Variants in MFSD11 observed in about 807,000 individuals in gnomAD.
The protein encoded by MFSD11 is major facilitator superfamily domain containing 11.
In MFSD11, 36 loss-of-function variants were observed where a neutral mutation model predicts 53.5. That is an observed-to-expected ratio of 0.67 (90% CI 0.52 to 0.89). The LOEUF (loss-of-function observed/expected upper bound fraction) is 0.89, where lower values mean the gene tolerates loss of function less well. Among genes scored for constraint, MFSD11 ranks in the 40% least tolerant of loss-of-function variants. The probability of loss-of-function intolerance (pLI) is 0.00; values close to 1 mark genes in which losing one functional copy is unlikely to be tolerated. For synonymous variants in MFSD11, 186 were observed against 184.9 expected, an observed-to-expected ratio of 1.01 and a Z score of -0.05; for missense variants, 530 against 543.9, an observed-to-expected ratio of 0.97 and a Z score of 0.25.
downstream of MFSD11, among the ~76,000 whole-genome samples, chr17:76,785,062 T>G (rs1489224518): frequency 6.6e-6 from 1 of 152,136 alleles, no homozygotes; most frequent in African/African-American, 2.4e-5. Flanking sequence ...TACCTAACAG[T>G]GGGAAAATAA....
At chr17:76,769,656 C>T in intron 9 of MFSD11, 90 bp from the exon 10 acceptor site, 1 of 992,010 alleles carries the variant, frequency 1.0e-6, no homozygotes, top group Non-Finnish European at 1.5e-6. Flanking sequence ...TTTTACTACG[C>T]AAGTATTCTT....
chr17:76,743,865 T>G (rs1296507391), intron 6 of MFSD11, among the ~76,000 whole-genome samples: 1 of 152,170 alleles, frequency 6.6e-6, no homozygotes, highest in Non-Finnish European at 1.5e-5. Flanking sequence ...TCCGCCCTCC[T>G]CAGCCTCCCA....
intron 2 of MFSD11, among the ~76,000 whole-genome samples, chr17:76,740,353 A>G (rs762214643): frequency 6.6e-6 from 1 of 152,192 alleles, no homozygotes; most frequent in South Asian, 2.1e-4. Flanking sequence ...CTGGGTCAAT[A>G]GTAACTGAGT....
intron 12 of MFSD11, among the ~76,000 whole-genome samples, chr17:76,777,528 C>A (rs1456874223): frequency 6.6e-6 from 1 of 152,196 alleles, no homozygotes; most frequent in Non-Finnish European, 1.5e-5. Flanking sequence ...AGCCACCGCC[C>A]CGGCTATATT....
chr17:76,745,812 C>CTTAT (rs111982936), intron 7 of MFSD11, among the ~76,000 whole-genome samples: 133,903 of 148,782 alleles, frequency 0.9, 61,070 homozygotes, highest in Non-Finnish European at 0.97. Context: ...TTATTATTTA[C>CTTAT]TTATTTATTT....
intron 8 of MFSD11, among the ~76,000 whole-genome samples, chr17:76,764,641 G>A (rs910854010): frequency 3.3e-5 from 5 of 152,046 alleles, no homozygotes; most frequent in African/African-American, 7.2e-5. Flanking sequence ...TTATTCATCC[G>A]TTTAAGGACA....
intron 8 of MFSD11, among the ~76,000 whole-genome samples, chr17:76,763,863 T>G (rs950317467): frequency 6.6e-6 from 1 of 151,724 alleles, no homozygotes; most frequent in Non-Finnish European, 1.5e-5. Flanking sequence ...AACATGTTTT[T>G]GTTTTTGTTT....
chr17:76,793,504 T>A, the MFSD11 span, among the ~76,000 whole-genome samples: 4 of 151,428 alleles, frequency 2.6e-5, no homozygotes, highest in Non-Finnish European at 4.4e-5. Flanking sequence ...GGTGCCCAGA[T>A]TTCATATTGT....
rs532579951 is a variant in MFSD11 at position 76,759,634 on chromosome 17, T to A, written c.682+5547T>A. Among the ~76,000 whole-genome samples, 120 of 152,002 alleles carry A rather than the reference T, an allele frequency of 7.9e-4. No individual in the cohort carries two copies. In the South Asian group the frequency reaches 0.013, roughly 16 times the overall value. On this transcript the variant is annotated intron_variant, in intron 8 of 12. Coordinates refer to ENST00000685175, the MANE Select transcript of MFSD11 (RefSeq NM_001242532.5). ...CATGCCTGGCTAATGTTTTTTTGTATTTTTGCTAGAGATGGGGTTTCACTG... is the reference window on the plus strand; with the variant it reads ...CATGCCTGGCTAATGTTTTTTTGTAATTTTGCTAGAGATGGGGTTTCACTG...
chr17:76,769,928 A>G, intron 10 of MFSD11, 57 bp downstream of exon 10: 2 of 1,487,664 alleles, frequency 1.3e-6, no homozygotes, highest in Admixed American at 2.1e-5. Flanking sequence ...TAGGTAAAAT[A>G]GAAATTTTAA....
At position 76,744,449 on chromosome 17, in the gene MFSD11, G is replaced by T. The variant is rs760867811; in HGVS notation, c.624G>T (p.Gln208His). 1 of 1,607,316 alleles carries T rather than the reference G, an allele frequency of 6.2e-7. No homozygotes were observed. The highest frequency in any genetic ancestry group is 8.5e-7 in the Non-Finnish European group (1 of 1,178,292). Residue 208 changes from glutamine (Q) to histidine (H), a missense_variant, in exon 7 of 13, where the codon CAG becomes CAT. Gln to His is a conservative substitution (Grantham distance 24). Transcript: ENST00000685175. ...GAGAAGATGAGTCTTCTGATGACCA[G>T]GACATGGAAGTCAACGAGTAAGATG... Reference protein sequence around the residue: ...VLGEDESSDDQDMEVNESAQN... With the variant: ...VLGEDESSDDHDMEVNESAQN...
At chr17:76,784,329 A>G (rs955454891), downstream of MFSD11, among the ~76,000 whole-genome samples, 4 of 151,970 alleles carry the variant, frequency 2.6e-5, no homozygotes, top group South Asian at 2.1e-4. Flanking sequence ...AGGTCAAGAG[A>G]TCGAGACCAT....
At chr17:76,758,451 C>T (rs1476252927) in intron 8 of MFSD11, among the ~76,000 whole-genome samples, 1 of 151,762 alleles carries the variant, frequency 6.6e-6, no homozygotes, top group Non-Finnish European at 1.5e-5. Flanking sequence ...GGTTTTGGGG[C>T]ATGCACTTGC....
At chr17:76,761,774 A>C (rs986275138) in intron 8 of MFSD11, among the ~76,000 whole-genome samples, 3 of 152,030 alleles carry the variant, frequency 2.0e-5, no homozygotes, top group Admixed American at 1.3e-4. Context: ...TACAAAAATT[A>C]GCCAGGCGTG....
intron 7 of MFSD11, among the ~76,000 whole-genome samples, chr17:76,751,567 G>GT: frequency 6.6e-6 from 1 of 151,604 alleles, no homozygotes; most frequent in African/African-American, 2.4e-5. Flanking sequence ...AGGCATGGTG[G>GT]TGCATGCCTG....
the MFSD11 span, among the ~76,000 whole-genome samples, chr17:76,796,372 A>G: frequency 6.6e-6 from 1 of 152,010 alleles, no homozygotes; most frequent in Non-Finnish European, 1.5e-5. Flanking sequence ...TCTTGTTCTC[A>G]CAACTATATT....
chr17:76,792,500 A>G, the MFSD11 span, among the ~76,000 whole-genome samples: 6 of 150,504 alleles, frequency 4.0e-5, 1 homozygote, highest in African/African-American at 1.2e-4. Flanking sequence ...ATTATCAACT[A>G]GAAACCATTA....
At chr17:76,741,145 T>C (rs1394106262) in intron 3 of MFSD11, 81 bp downstream of exon 3, 3 of 946,272 alleles carry the variant, frequency 3.2e-6, no homozygotes, top group Non-Finnish European at 5.2e-6. Flanking sequence ...CACAATAATT[T>C]ATAGACTTGG....
At chr17:76,769,948 A>C in intron 10 of MFSD11, 77 bp downstream of exon 10, 1 of 1,337,012 alleles carries the variant, frequency 7.5e-7, no homozygotes. Context: ...AGTGTGCTTC[A>C]CCTTTGTCCT....
Sources: gnomAD v4.1 joint callset for allele counts (sites outside exome capture counted in the v4.1 genomes callset) on GRCh38, gnomAD v4.1.1 for gene constraint, MANE v1.5 for transcripts, NCBI Gene and HGNC (gene_info 2026-07-23, HGNC 2026-07-21) for gene names.